Variants in SLC27A2 observed in about 807,000 individuals in gnomAD.
SLC27A2 encodes long-chain fatty acid transport protein 2.
SLC27A2 carries 54 observed loss-of-function variants against 60.0 expected under a neutral mutation model. That is an observed-to-expected ratio of 0.90 (90% CI 0.72 to 1.13). The LOEUF is 1.13. Ranked by LOEUF, SLC27A2 falls within the 50% of genes most tolerant of loss-of-function variation. SLC27A2 has a pLI of 0.00. For synonymous variants in SLC27A2, 297 were observed against 297.6 expected (o/e 1.00, Z 0.02); for missense variants, 739 against 777.6 (o/e 0.95, Z 0.59).
chr15:50,185,357 G>A (rs1448071004), intron 1 of SLC27A2, among the ~76,000 whole-genome samples: 1 of 151,466 alleles, frequency 6.6e-6, no homozygotes, highest in Non-Finnish European at 1.5e-5. Context: ...CCACATATTT[G>A]AAAAAAAATC....
intron 3 of SLC27A2, among the ~76,000 whole-genome samples, chr15:50,203,020 A>ATATATAT (rs1555500675): frequency 6.8e-6 from 1 of 147,724 alleles, no homozygotes; most frequent in South Asian, 2.1e-4. Context: ...CTCTAAAAAA[A>ATATATAT]ATATATATAT....
rs111833413 is a variant in SLC27A2, at chr15:50,197,376, T to G, written c.479-124T>G. 3.6e-4 allele frequency: 227 copies of G among 624,494 alleles called. 1 individual carries two copies. The highest frequency in any genetic ancestry group is 3.5e-3 in the African/African-American group (192 of 54,422). 38.7% of individuals were successfully genotyped at this position (624,494 alleles called of 1,614,324 possible). On this transcript the variant is annotated intron_variant, in intron 1 of 9. Transcript: ENST00000267842. Reference sequence around the variant, plus strand: ...AAAATGCATAACGATAAGCATCATTTGTCATGCCCACACATTTAAGCAAAA... The same window carrying G: ...AAAATGCATAACGATAAGCATCATTGGTCATGCCCACACATTTAAGCAAAA...
intron 4 of SLC27A2, among the ~76,000 whole-genome samples, chr15:50,208,684 CTTAG>C (rs1490976338): frequency 6.6e-6 from 1 of 152,194 alleles, no homozygotes; most frequent in Non-Finnish European, 1.5e-5. Flanking sequence ...AAACATTCTA[CTTAG>C]TTAATCACTC....
At chr15:50,200,295 G>A (rs575170796) in intron 2 of SLC27A2, among the ~76,000 whole-genome samples, 2 of 152,208 alleles carry the variant, frequency 1.3e-5, no homozygotes, top group East Asian at 1.9e-4. Flanking sequence ...AGGCATGGTG[G>A]TGCACACCTG....
chr15:50,190,892 T>C (rs1472348137), intron 1 of SLC27A2: 1 of 152,246 alleles, frequency 6.6e-6, no homozygotes, highest in Non-Finnish European at 1.5e-5. Flanking sequence ...CTTGAGGTTT[T>C]GCTCTTCAAG....
chr15:50,187,867 A>G (rs1316733805), intron 1 of SLC27A2, among the ~76,000 whole-genome samples: 1 of 152,150 alleles, frequency 6.6e-6, no homozygotes, highest in African/African-American at 2.4e-5. Context: ...GGGACCAAGG[A>G]TAACCCTTGT....
intron 1 of SLC27A2, among the ~76,000 whole-genome samples, chr15:50,184,843 CAG>C (rs2044907294): frequency 6.6e-6 from 1 of 151,944 alleles, no homozygotes; most frequent in Non-Finnish European, 1.5e-5. Flanking sequence ...TCTCAAAAAA[CAG>C]AATAAAAAAA....
chr15:50,233,679 A>G (rs983348871), intron 8 of SLC27A2, among the ~76,000 whole-genome samples, 189 bp from the exon 9 acceptor site: 4 of 152,268 alleles, frequency 2.6e-5, no homozygotes, highest in African/African-American at 9.6e-5. Context: ...TAAAGATTCA[A>G]CCAACTGTTA....
At chr15:50,193,461 G>A (rs575178587) in intron 1 of SLC27A2, among the ~76,000 whole-genome samples, 1 of 152,196 alleles carries the variant, frequency 6.6e-6, no homozygotes, top group African/African-American at 2.4e-5. Flanking sequence ...GGGAGGGAAT[G>A]AGAATGGATC....
chr15:50,227,219 C>A, intron 7 of SLC27A2, 41 bp downstream of exon 7: 2 of 1,516,994 alleles, frequency 1.3e-6, no homozygotes, highest in Non-Finnish European at 1.8e-6. Context: ...CAAACACACG[C>A]ACAGTTTGGC....
intron 1 of SLC27A2, among the ~76,000 whole-genome samples, chr15:50,194,586 G>A (rs1193005934): frequency 6.6e-6 from 1 of 152,210 alleles, no homozygotes; most frequent in Non-Finnish European, 1.5e-5. Context: ...GAAATTGGAT[G>A]AGAGTGAAGC....
chr15:50,226,780 A>G (rs1308849336), intron 6 of SLC27A2, among the ~76,000 whole-genome samples, 200 bp from the exon 7 acceptor site: 2 of 152,204 alleles, frequency 1.3e-5, no homozygotes, highest in African/African-American at 2.4e-5. Flanking sequence ...ACAATAATGT[A>G]CAGTATATGT....
chr15:50,196,078 ATATATATATATATATAT>A (rs1248282397), intron 1 of SLC27A2, among the ~76,000 whole-genome samples: 89 of 7,794 alleles, frequency 0.011, 19 homozygotes, highest in African/African-American at 0.051. Context: ...AAAAAAAAAA[ATATATATATATATATAT>A]ATATATATAT....
At position 50,202,487 on chromosome 15, in the gene SLC27A2, G is replaced by T. The variant is rs2045072586; in HGVS notation, c.689G>T (p.Gly230Val). 2 of 1,614,036 alleles carry T rather than the reference G, an allele frequency of 1.2e-6. No individual in the cohort carries two copies. Among genetic ancestry groups the T allele is most frequent in the Non-Finnish European group, 1.7e-6 (2 of 1,179,984 alleles). Residue 230 changes from glycine (G) to valine (V), a missense_variant and splice_region_variant, in exon 3 of 10, where the codon GGT (glycine) becomes GTT (valine). By Grantham distance (109) the Gly-to-Val change is moderately radical (BLOSUM62 -3). Transcript: ENST00000267842. ...ALYIYTSGTT[G>V]LPKAAMITHQ... is the part of the protein sequence containing the mutation. ...TGCCTTCTCTTGTATATTTACAAAG[G>T]TCTTCCAAAAGCAGCCATGATCACT...
chr15:50,207,676 A>C (rs147508154), intron 4 of SLC27A2, among the ~76,000 whole-genome samples: 5 of 151,686 alleles, frequency 3.3e-5, no homozygotes, highest in African/African-American at 2.4e-5. Context: ...TGTAATCCCA[A>C]CTACTCAGGA....
At chr15:50,200,378 C>T (rs1190119057) in intron 2 of SLC27A2, among the ~76,000 whole-genome samples, 3 of 152,068 alleles carry the variant, frequency 2.0e-5, no homozygotes, top group Non-Finnish European at 4.4e-5. Context: ...TTGAACACCA[C>T]TACACTCCAG....
chr15:50,202,213 G>A (rs1350793205), intron 2 of SLC27A2, among the ~76,000 whole-genome samples: 1 of 152,178 alleles, frequency 6.6e-6, no homozygotes, highest in African/African-American at 2.4e-5. Context: ...TTGGAACACA[G>A]CCACACTCCA....
chr15:50,235,355 C>G (rs1364967024), intron 9 of SLC27A2, among the ~76,000 whole-genome samples: 1 of 152,148 alleles, frequency 6.6e-6, no homozygotes, highest in Non-Finnish European at 1.5e-5. Flanking sequence ...TAAATGATCC[C>G]TCCTTCTAAT....
chr15:50,202,565 C>A lies in SLC27A2; in HGVS notation c.767C>A (p.Ala256Glu), dbSNP rs762402854. The change falls in exon 3 of 10, where the codon GCA (alanine) becomes GAA (glutamate). Residue 256 changes from alanine to glutamate, a missense_variant. Transcript: ENST00000267842. ...TGLTFVSGLK[A>E]DDVIYITLPF... The stretch of plus-strand genomic sequence containing the variant: ...CTCACTTTTGTAAGCGGATTGAAGG[C>A]AGATGATGTCATCTATATCACTCTG... The A allele has an allele frequency of 3.1e-6, 5 of 1,614,068 alleles. No homozygotes were observed. The Admixed American group carries it at 5.0e-5, about 16-fold the overall frequency.
Sources: gnomAD v4.1 joint callset for allele counts (sites outside exome capture counted in the v4.1 genomes callset) on GRCh38, gnomAD v4.1.1 for gene constraint, MANE v1.5 for transcripts, NCBI Gene and HGNC (gene_info 2026-07-23, HGNC 2026-07-21) for gene names.